Variants in ATXN2 observed in about 807,000 individuals in gnomAD.
ATXN2 encodes ataxin 2.
ATXN2 carries 37 observed loss-of-function variants against 138.6 expected under a neutral mutation model. The observed-to-expected ratio is 0.27, with a 90% CI of 0.21 to 0.35. The LOEUF (loss-of-function observed/expected upper bound fraction) is 0.35. Ranked by LOEUF, ATXN2 falls within the 10% of genes least tolerant of loss-of-function variation. ATXN2 has a pLI of 1.00. For synonymous variants in ATXN2, 549 were observed against 543.7 expected, an observed-to-expected ratio of 1.01 and a Z score of -0.13; for missense variants, 1,216 against 1,480.3, an observed-to-expected ratio of 0.82 and a Z score of 2.93.
chr12:111,462,975 TATACACAC>T (rs1284759948), intron 21 of ATXN2, among the ~76,000 whole-genome samples: 4 of 145,796 alleles, frequency 2.7e-5, no homozygotes, highest in East Asian at 2.9e-4. Context: ...TATATATATA[TATACACAC>T]ACACACACAC....
chr12:111,455,224 C>A, intron 23 of ATXN2: 1 of 676,272 alleles, frequency 1.5e-6, no homozygotes. Flanking sequence ...CCAATTCACC[C>A]GTAACAGCCC....
intron 18 of ATXN2, chr12:111,482,698 A>C (rs577327969): frequency 2.6e-5 from 4 of 152,100 alleles, no homozygotes; most frequent in South Asian, 2.1e-4. Flanking sequence ...TTAACACTAC[A>C]TTAAAATGGC....
chr12:111,507,688 T>TGA (rs1566031653), intron 14 of ATXN2, among the ~76,000 whole-genome samples: 1 of 152,206 alleles, frequency 6.6e-6, no homozygotes, highest in Non-Finnish European at 1.5e-5. Flanking sequence ...GAACGGGCCA[T>TGA]GATGACAATG....
In ATXN2 at chr12:111,516,214, G is replaced by A; in HGVS notation, c.1315C>T (p.Pro439Ser). The A allele has an allele frequency of 1.3e-6, 2 of 1,579,030 alleles. No homozygotes were observed. Among genetic ancestry groups the A allele is most frequent in the South Asian group, 2.4e-5 (2 of 84,474 alleles). The change falls in exon 10 of 25, where the codon CCC (proline) becomes TCC (serine). Residue 439 changes from proline (P) to serine (S), a missense_variant. By Grantham distance (74) the Pro-to-Ser change is moderately conservative. Coordinates refer to ENST00000673436, the MANE Select transcript of ATXN2 (RefSeq NM_001372574.1). The surrounding 1 kb of genome is among the most constrained non-coding windows in gnomAD (Gnocchi z 5.0). The stretch of plus-strand genomic sequence containing the variant: ...GGAGCTGGAGAACCATGAGCAGAGG[G>A]GTGAGACGGGGGTCTGGATGGCCGC... ...PSRPSRPPSH[P>S]SAHGSPAPVS...
At chr12:111,566,861 C>T (rs1883041732) in intron 1 of ATXN2, among the ~76,000 whole-genome samples, 1 of 152,118 alleles carries the variant, frequency 6.6e-6, no homozygotes, top group African/African-American at 2.4e-5. Flanking sequence ...TGGTCTTGAA[C>T]TCCTGACTTC....
chr12:111,480,217 A>T (rs927077532), intron 18 of ATXN2, among the ~76,000 whole-genome samples: 3 of 152,238 alleles, frequency 2.0e-5, no homozygotes, highest in African/African-American at 7.2e-5. Flanking sequence ...AAAACTCATT[A>T]AAATGTAAAC....
At chr12:111,524,655 G>A (rs1880382605) in intron 6 of ATXN2, among the ~76,000 whole-genome samples, 1 of 152,138 alleles carries the variant, frequency 6.6e-6, no homozygotes, top group Admixed American at 6.5e-5. Flanking sequence ...TGTGACAAGA[G>A]GCGTTTTAGA....
intron 6 of ATXN2, 46 bp downstream of exon 6, chr12:111,525,146 G>A (rs759625189): frequency 1.3e-6 from 2 of 1,575,790 alleles, no homozygotes; most frequent in South Asian, 1.2e-5. Context: ...GTGACAGGAT[G>A]TCATACTGAC....
intron 5 of ATXN2, among the ~76,000 whole-genome samples, chr12:111,546,040 A>C (rs944950542): frequency 6.6e-6 from 1 of 151,936 alleles, no homozygotes; most frequent in South Asian, 2.1e-4. Context: ...GTTGATGGAG[A>C]TCTTTTCCAT....
intron 1 of ATXN2, among the ~76,000 whole-genome samples, chr12:111,591,809 C>T (rs570110576): frequency 7.9e-5 from 12 of 152,222 alleles, no homozygotes; most frequent in African/African-American, 2.9e-4. Flanking sequence ...AGGCTGCGCA[C>T]GGTGGCTCAT....
chr12:111,550,062 CAAAAAAA>C (rs11360314), intron 5 of ATXN2, among the ~76,000 whole-genome samples: 1 of 78,964 alleles, frequency 1.3e-5, no homozygotes, highest in Non-Finnish European at 3.2e-5. Context: ...ACTCCGTCTC[CAAAAAAA>C]AAAAAAAAAA....
chr12:111,585,674 A>C (rs912861527), intron 1 of ATXN2, among the ~76,000 whole-genome samples: 18 of 151,608 alleles, frequency 1.2e-4, no homozygotes, highest in Admixed American at 3.3e-4. Context: ...GTGTGTGACC[A>C]ATATCTGTAC....
At chr12:111,507,299 G>A (rs1169445937) in intron 14 of ATXN2, among the ~76,000 whole-genome samples, 13 of 146,514 alleles carry the variant, frequency 8.9e-5, no homozygotes, top group East Asian at 2.0e-4. Context: ...TGTGAGGAGC[G>A]CCTCTGCCCG....
At chr12:111,535,579 G>A (rs1267560926) in intron 5 of ATXN2, among the ~76,000 whole-genome samples, 5 of 152,152 alleles carry the variant, frequency 3.3e-5, no homozygotes, top group East Asian at 1.9e-4. Context: ...CCAAGATCGC[G>A]CCACTGCACT....
At chr12:111,570,104 C>A (rs1027816413) in intron 1 of ATXN2, among the ~76,000 whole-genome samples, 5 of 152,078 alleles carry the variant, frequency 3.3e-5, no homozygotes, top group Non-Finnish European at 5.9e-5. Flanking sequence ...TGGACAGTGC[C>A]CATTCCCATC....
At chr12:111,533,558 C>T (rs1026954879) in intron 5 of ATXN2, among the ~76,000 whole-genome samples, 2 of 151,228 alleles carry the variant, frequency 1.3e-5, no homozygotes, top group Non-Finnish European at 2.9e-5. Context: ...TCTTCTCACA[C>T]TCTGTTGCGC....
intron 23 of ATXN2, 199 bp from the exon 24 acceptor site, chr12:111,454,044 A>C (rs986214363): frequency 1.8e-6 from 1 of 553,268 alleles, no homozygotes; most frequent in Admixed American, 3.6e-5. Context: ...CAGATCCTGC[A>C]AGGGTCAGGG....
intron 5 of ATXN2, among the ~76,000 whole-genome samples, chr12:111,550,322 G>C (rs917076209): frequency 3.9e-5 from 6 of 152,072 alleles, no homozygotes; most frequent in Non-Finnish European, 7.4e-5. Context: ...AGAGGAGCAA[G>C]GAATGGACTA....
At chr12:111,565,380 T>C (rs893005432) in intron 1 of ATXN2, among the ~76,000 whole-genome samples, 4 of 152,200 alleles carry the variant, frequency 2.6e-5, no homozygotes, top group Non-Finnish European at 5.9e-5. Flanking sequence ...CTCACAATAT[T>C]TTCAAACTTT....
Sources: allele counts gnomAD v4.1 joint callset (sites outside exome capture counted in the v4.1 genomes callset), GRCh38; gene constraint gnomAD v4.1.1; non-coding constraint Gnocchi (gnomAD v3.1); transcripts MANE v1.5; gene names NCBI Gene and HGNC (gene_info 2026-07-23, HGNC 2026-07-21).